The following TRPC4 variants were observed in gnomAD, a reference collection of about 807,000 sequenced individuals.
TRPC4 encodes transient receptor potential cation channel subfamily C member 4.
TRPC4 carries 49 observed loss-of-function variants against 99.4 expected under a neutral mutation model. That is an observed-to-expected ratio of 0.49 (90% confidence interval 0.39 to 0.63). The LOEUF (loss-of-function observed/expected upper bound fraction) is 0.63, where lower values mean the gene tolerates loss of function less well. Ranked by LOEUF, TRPC4 falls within the 20% of genes least tolerant of loss-of-function variation. The pLI is 0.00. For synonymous variants in TRPC4, 454 were observed against 425.9 expected (o/e 1.07, Z -0.81); for missense variants, 898 against 1,152.9 (o/e 0.78, Z 3.20).
intron 1 of TRPC4, among the ~76,000 whole-genome samples, chr13:37,820,207 A>C (rs1386182506): frequency 6.6e-6 from 1 of 152,058 alleles, no homozygotes; most frequent in African/African-American, 2.4e-5. Context: ...AAATGGATAC[A>C]TTCCTGGAAA....
At chr13:37,830,903 TATC>T (rs1367402354) in intron 1 of TRPC4, among the ~76,000 whole-genome samples, 6 of 150,976 alleles carry the variant, frequency 4.0e-5, no homozygotes, top group South Asian at 2.1e-4. Flanking sequence ...AGTAGTATCA[TATC>T]ATATGAAGGC....
At chr13:37,661,309 G>C (rs1026635962) in intron 6 of TRPC4, among the ~76,000 whole-genome samples, 2 of 152,136 alleles carry the variant, frequency 1.3e-5, no homozygotes, top group East Asian at 3.9e-4. Context: ...TTTGTAATAT[G>C]TTATTACTTA....
At chr13:37,702,847 G>A (rs1309986462) in intron 3 of TRPC4, among the ~76,000 whole-genome samples, 1 of 152,084 alleles carries the variant, frequency 6.6e-6, no homozygotes, top group Non-Finnish European at 1.5e-5. Context: ...ATCTTCCTAA[G>A]AGCTTTCTGA....
intron 1 of TRPC4, among the ~76,000 whole-genome samples, chr13:37,842,452 G>A (rs974116265): frequency 1.3e-5 from 2 of 151,470 alleles, no homozygotes; most frequent in African/African-American, 4.9e-5. Context: ...GAAAGAGTTG[G>A]TGATTCTTCC....
At chr13:37,683,791 G>T (rs560981144) in intron 4 of TRPC4, among the ~76,000 whole-genome samples, 1 of 152,152 alleles carries the variant, frequency 6.6e-6, no homozygotes, top group African/African-American at 2.4e-5. Context: ...GGAGTTAAAG[G>T]ATGTGTAAGA....
intron 3 of TRPC4, among the ~76,000 whole-genome samples, chr13:37,738,304 T>G (rs1009036812): frequency 1.3e-5 from 2 of 152,118 alleles, no homozygotes; most frequent in African/African-American, 4.8e-5. Context: ...ATGTCATGAA[T>G]GCAAGGACTT....
chr13:37,795,825 T>C (rs899839384), intron 1 of TRPC4, among the ~76,000 whole-genome samples: 7 of 152,188 alleles, frequency 4.6e-5, no homozygotes, highest in African/African-American at 1.7e-4. Flanking sequence ...GTGAACTTTC[T>C]ACTGATTATA....
intron 3 of TRPC4, among the ~76,000 whole-genome samples, chr13:37,744,977 G>A (rs1790425476): frequency 6.6e-6 from 1 of 151,896 alleles, no homozygotes; most frequent in South Asian, 2.1e-4. Flanking sequence ...AACTTACTTG[G>A]TTTCTTATTC....
At chr13:37,737,206 C>T (rs1955423177) in intron 3 of TRPC4, among the ~76,000 whole-genome samples, 1 of 149,152 alleles carries the variant, frequency 6.7e-6, no homozygotes, top group Admixed American at 6.8e-5. Context: ...TATTGGGGAC[C>T]CAGGAACAGA....
intron 1 of TRPC4, among the ~76,000 whole-genome samples, chr13:37,864,485 A>T (rs1959607606): frequency 6.6e-6 from 1 of 151,740 alleles, no homozygotes; most frequent in Non-Finnish European, 1.5e-5. Flanking sequence ...GTGCAACATT[A>T]TCACAATTGG....
At chr13:37,745,535 TAC>T (rs538701520) in intron 3 of TRPC4, among the ~76,000 whole-genome samples, 8 of 75,872 alleles carry the variant, frequency 1.1e-4, no homozygotes, top group Non-Finnish European at 1.8e-4. Context: ...TATGTATATA[TAC>T]GTATATATAT....
At chr13:37,643,495 A>G (rs538274864) in intron 8 of TRPC4, among the ~76,000 whole-genome samples, 1 of 152,320 alleles carries the variant, frequency 6.6e-6, no homozygotes, top group Admixed American at 6.5e-5. Context: ...TAGAGAATGC[A>G]GTATTAGATG....
chr13:37,763,690 C>A (rs1298098119), intron 2 of TRPC4, among the ~76,000 whole-genome samples: 3 of 151,626 alleles, frequency 2.0e-5, no homozygotes, highest in African/African-American at 7.3e-5. Context: ...GATAATATTA[C>A]AAAATGAGTG....
intron 2 of TRPC4, among the ~76,000 whole-genome samples, chr13:37,780,543 T>C (rs901628880): frequency 2.0e-5 from 3 of 152,094 alleles, no homozygotes; most frequent in Admixed American, 6.6e-5. Flanking sequence ...TTACACCTTA[T>C]GAGAGAAAAA....
chr13:37,825,704 A>G (rs1328677966), intron 1 of TRPC4, among the ~76,000 whole-genome samples: 3 of 146,306 alleles, frequency 2.1e-5, no homozygotes, highest in Non-Finnish European at 3.0e-5. Flanking sequence ...TATGTGGTCA[A>G]TTTTGGAATA....
At chr13:37,790,766 A>T (rs1957098520) in intron 1 of TRPC4, among the ~76,000 whole-genome samples, 1 of 152,138 alleles carries the variant, frequency 6.6e-6, no homozygotes, top group South Asian at 2.1e-4. Context: ...CTTTGGTGAC[A>T]TGGTAAAATT....
intron 2 of TRPC4, among the ~76,000 whole-genome samples, chr13:37,768,470 A>G (rs1480740255): frequency 1.3e-5 from 2 of 151,428 alleles, no homozygotes. Context: ...ACTAAAGAAA[A>G]TATCATACAG....
At chr13:37,735,591 C>G (rs1393239427) in intron 3 of TRPC4, among the ~76,000 whole-genome samples, 1 of 152,124 alleles carries the variant, frequency 6.6e-6, no homozygotes, top group East Asian at 1.9e-4. Context: ...GATCTTATTG[C>G]TAGCACTTTC....
chr13:37,721,535 T>C (rs1954868472), intron 3 of TRPC4, among the ~76,000 whole-genome samples: 1 of 152,152 alleles, frequency 6.6e-6, no homozygotes, highest in Admixed American at 6.6e-5. Context: ...ATGAACATTA[T>C]AAAGCAGTTT....
Sources: gnomAD v4.1 joint callset for allele counts (sites outside exome capture counted in the v4.1 genomes callset) on GRCh38, gnomAD v4.1.1 for gene constraint, MANE v1.5 for transcripts, NCBI Gene and HGNC (gene_info 2026-07-23, HGNC 2026-07-21) for gene names.